The following UMODL1 variants were observed in gnomAD, a reference collection of about 807,000 sequenced individuals.
UMODL1 encodes uromodulin-like 1.
In UMODL1, 128 loss-of-function variants were observed where a neutral mutation model predicts 136.3. That is an observed-to-expected ratio of 0.94 (90% confidence interval 0.81 to 1.09). The LOEUF is 1.09. UMODL1 is among the 50% of genes least tolerant of loss of function. UMODL1 has a pLI of 0.00. For missense variants in UMODL1, 1,766 were observed against 1,725.6 expected (o/e 1.02, Z -0.41); for synonymous variants, 721 against 720.0 (o/e 1.00, Z -0.02).
chr21:42,136,728 T>TG (rs35231592), intron 21 of UMODL1, among the ~76,000 whole-genome samples: 50,946 of 151,630 alleles, frequency 0.34, 9,346 homozygotes, highest in East Asian at 0.52. Flanking sequence ...TCTTTTTTTT[T>TG]GTTTCTTGTT....
intron 1 of UMODL1, among the ~76,000 whole-genome samples, chr21:42,075,170 T>C (rs1242147155): frequency 6.6e-6 from 1 of 152,078 alleles, no homozygotes; most frequent in Non-Finnish European, 1.5e-5. Flanking sequence ...AGTGCTGGGA[T>C]TGATTACAGG....
chr21:42,118,284 C>T (rs1450557839), intron 14 of UMODL1, among the ~76,000 whole-genome samples: 3 of 152,222 alleles, frequency 2.0e-5, no homozygotes, highest in African/African-American at 4.8e-5. Context: ...TCCCTGGGGT[C>T]CACAGGCTCT....
rs764838346 is a variant in UMODL1, at chr21:42,111,109, C to A, written c.1887C>A (p.Gly629=). Residue 629 remains glycine, a synonymous_variant, in exon 11 of 23, where the codon GGC becomes GGA. Coordinates refer to ENST00000408910, the MANE Select transcript of UMODL1 (RefSeq NM_001004416.3). ...ATGACAGGAACAACACAGGAAAAGG[C>A]GTGGAGCAGGAGGTGCCCAGCACTG... is the stretch of plus-strand genomic sequence containing the variant. ...VGYDRNNTGK[G]VEQELQGNSI... The A allele has an allele frequency of 3.1e-6, 5 of 1,610,540 alleles. No individual in the cohort carries two copies. The highest frequency in any genetic ancestry group is 3.4e-6 in the Non-Finnish European group (4 of 1,178,702).
rs1191762097 is a variant in UMODL1, at chr21:42,088,332, C to T, written c.642C>T (p.His214=). The change falls in exon 5 of 23, where the codon CAC becomes CAT. Residue 214 remains histidine, a synonymous_variant. Coordinates refer to ENST00000408910, the MANE Select transcript of UMODL1 (RefSeq NM_001004416.3). ...TGCAACCAATGGCCTCCACCGTCCACCACCTGCACTCAGCCCCTGGGAACG... is the reference window on the plus strand; with the variant it reads ...TGCAACCAATGGCCTCCACCGTCCATCACCTGCACTCAGCCCCTGGGAACG... ...SALQPMASTV[H]HLHSAPGNAS... is the part of the protein sequence containing the mutation. 3.7e-6 allele frequency: 6 copies of T among 1,613,866 alleles called. No individual in the cohort carries two copies. In the African/African-American group the frequency reaches 4.0e-5, roughly 11 times the overall value.
At position 42,115,902 on chromosome 21, in the gene UMODL1, A is replaced by G. The variant is rs774219876; in HGVS notation, c.2392A>G (p.Ile798Val). 2 of 1,613,986 alleles carry G rather than the reference A, an allele frequency of 1.2e-6. No homozygotes were observed. Among genetic ancestry groups the G allele is most frequent in the East Asian group, 4.5e-5 (2 of 44,892 alleles). ...CCGGAAGCTCATTGGAAAGGTCAGAATCAAAAATGTCAGGTACTCAGAATC... is the reference window on the plus strand; with the variant it reads ...CCGGAAGCTCATTGGAAAGGTCAGAGTCAAAAATGTCAGGTACTCAGAATC... ...AARKLIGKVRIKNVRYSESFR... is the reference protein window; with the variant it reads ...AARKLIGKVRVKNVRYSESFR... Residue 798 changes from isoleucine (I) to valine (V), a missense_variant, in exon 14 of 23, where the codon ATC becomes GTC. By Grantham distance (29) the Ile-to-Val change is conservative. Transcript: ENST00000408910.
intron 9 of UMODL1, 115 bp from the exon 10 acceptor site, chr21:42,109,447 C>T: frequency 1.4e-6 from 2 of 1,456,028 alleles, no homozygotes; most frequent in Non-Finnish European, 1.9e-6. Flanking sequence ...AATGCCCCTG[C>T]TCCCGGCCGT....
chr21:42,131,950 C>G (rs914085108), intron 21 of UMODL1, among the ~76,000 whole-genome samples: 2 of 152,184 alleles, frequency 1.3e-5, no homozygotes, highest in African/African-American at 4.8e-5. Context: ...ATAATGTGTT[C>G]TTTCATGAAT....
Position 42,099,188 on chromosome 21 carries a change from C to G in UMODL1, c.1186+8C>G. The G allele has an allele frequency of 6.2e-7, 1 of 1,609,256 alleles. No homozygotes were observed. The highest frequency in any genetic ancestry group is 1.1e-5 in the South Asian group (1 of 90,934). On this transcript the variant is annotated splice_region_variant and intron_variant, in intron 7 of 22. Coordinates refer to ENST00000408910, the MANE Select transcript of UMODL1 (RefSeq NM_001004416.3). This position sits in a 1 kb window ranked among gnomAD's most constrained non-coding sequence, Gnocchi z 4.1. ...CGCTGACCATCAAAACCAGTAAGGC[C>G]CCCAGTCAGAGACCCACGTTAGCTT...
chr21:42,105,866 G>T (rs959058433), intron 9 of UMODL1, among the ~76,000 whole-genome samples: 2 of 152,232 alleles, frequency 1.3e-5, no homozygotes, highest in African/African-American at 4.8e-5. Flanking sequence ...AGCCACAGGA[G>T]ACCCGTGTCT....
At chr21:42,089,570 T>C (rs993322810) in intron 5 of UMODL1, among the ~76,000 whole-genome samples, 1 of 152,184 alleles carries the variant, frequency 6.6e-6, no homozygotes, top group Non-Finnish European at 1.5e-5. Flanking sequence ...AAGAACCTGT[T>C]ATAGGATGTG....
chr21:42,101,677 A>G (rs2066635385), intron 7 of UMODL1: 3 of 454,030 alleles, frequency 6.6e-6, no homozygotes, highest in South Asian at 4.7e-5. Context: ...CCTCCCTTGT[A>G]AGTAAGCAAC....
Position 42,123,078 on chromosome 21 carries a change from C to A in UMODL1, c.3075C>A (p.Asn1025Lys). 6.2e-7 allele frequency: 1 copy of A among 1,614,138 alleles called. No individual in the cohort carries two copies. Among genetic ancestry groups the A allele is most frequent in the Non-Finnish European group, 8.5e-7 (1 of 1,180,030 alleles). ...TGTACCTCAGCCACCCCTCCTGCAA[C>A]GTGAGCCACAGCAATGGCACACACG... ...SSLYLSHPSC[N>K]VSHSNGTHVL... The change falls in exon 17 of 23, where the codon AAC becomes AAA. Residue 1025 changes from asparagine (N) to lysine (K), a missense_variant. Coordinates refer to ENST00000408910, the MANE Select transcript of UMODL1 (RefSeq NM_001004416.3). The surrounding 1 kb of genome is among the most constrained non-coding windows in gnomAD (Gnocchi z 4.4).
chr21:42,131,254 G>T (rs2067130383), intron 21 of UMODL1, among the ~76,000 whole-genome samples: 1 of 152,004 alleles, frequency 6.6e-6, no homozygotes, highest in Non-Finnish European at 1.5e-5. Flanking sequence ...TAATCTTGAT[G>T]ACCCTCTCCC....
Position 42,071,326 on chromosome 21 carries a change from A to G in UMODL1, c.10A>G (p.Thr4Ala). 1 of 1,592,464 alleles carries G rather than the reference A, an allele frequency of 6.3e-7. No individual in the cohort carries two copies. The highest frequency in any genetic ancestry group is 1.4e-5 in the African/African-American group (1 of 73,736). The change falls in exon 1 of 23, where the codon ACC (threonine) becomes GCC (alanine). Residue 4 changes from threonine to alanine, a missense_variant. By Grantham distance (58) the Thr-to-Ala change is moderately conservative. Transcript: ENST00000408910. ...CCACCACTGCCGGACGATGCTCAGG[A>G]CCTCGGGGCTGGCACTGCTGGCTCT... MLRTSGLALLALVS... is the reference protein window; with the variant it reads MLRASGLALLALVS...
At chr21:42,082,146 G>T (rs940134220) in intron 2 of UMODL1, among the ~76,000 whole-genome samples, 17 of 152,208 alleles carry the variant, frequency 1.1e-4, no homozygotes, top group African/African-American at 4.1e-4. Context: ...GGGGATGCAG[G>T]CTCTCTGCAT....
chr21:42,112,178 G>A (rs1053484682), intron 12 of UMODL1, among the ~76,000 whole-genome samples: 5 of 149,474 alleles, frequency 3.3e-5, no homozygotes, highest in South Asian at 2.1e-4. Context: ...CAGCTGTTCC[G>A]TCACCCTGCC....
At chr21:42,127,629 G>C in intron 19 of UMODL1, 43 bp from the exon 20 acceptor site, 1 of 1,585,666 alleles carries the variant, frequency 6.3e-7, no homozygotes, top group South Asian at 1.2e-5. Context: ...AAGGACAGCG[G>C]GGCTCGCTGA....
chr21:42,096,035 A>T (rs2066553772), intron 6 of UMODL1, among the ~76,000 whole-genome samples: 1 of 152,182 alleles, frequency 6.6e-6, no homozygotes, highest in Admixed American at 6.5e-5. Flanking sequence ...TAGCTTGGAC[A>T]CTGTGGACCT....
intron 6 of UMODL1, chr21:42,093,926 C>G (rs1260585180): frequency 2.2e-6 from 1 of 456,722 alleles, no homozygotes; most frequent in East Asian, 6.9e-5. Context: ...CCCACGGCAC[C>G]CCACTAAGCT....
Sources: gnomAD v4.1 joint callset for allele counts (sites outside exome capture counted in the v4.1 genomes callset) on GRCh38, gnomAD v4.1.1 for gene constraint, Gnocchi (gnomAD v3.1) non-coding constraint, MANE v1.5 for transcripts, NCBI Gene and HGNC (gene_info 2026-07-23, HGNC 2026-07-21) for gene names.